NAV2: variants seen among roughly 807,000 people sequenced by gnomAD.
NAV2 encodes the protein neuron navigator 2.
A neutral mutation model predicts 223.2 loss-of-function variants in NAV2; 54 were observed. The ratio of observed to expected loss-of-function variants is 0.24; its 90% CI spans 0.19 to 0.30. The LOEUF (loss-of-function observed/expected upper bound fraction) is 0.30, where lower values mean the gene tolerates loss of function less well. NAV2 is among the 10% of genes least tolerant of loss of function. NAV2 has a pLI of 1.00. For synonymous variants in NAV2, 1,279 were observed against 1,239.3 expected, an observed-to-expected ratio of 1.03 and a Z score of -0.67; for missense variants, 2,806 against 3,147.5, an observed-to-expected ratio of 0.89 and a Z score of 2.60.
intron 1 of NAV2, among the ~76,000 whole-genome samples, chr11:19,691,952 C>A (rs184249768): frequency 6.6e-6 from 1 of 152,248 alleles, no homozygotes; most frequent in East Asian, 1.9e-4. Context: ...GCTGACAACA[C>A]TTTCCACATG....
At position 19,977,977 on chromosome 11, in the gene NAV2, T is replaced by G. The variant is rs375614919; in HGVS notation, c.2646-6148T>G. On this transcript the variant is annotated intron_variant, in intron 10 of 37. Transcript: ENST00000349880. ...CTGCCACCACGCCCAGCTCATTTTG[T>G]TTTTTTTTGTTTTTTTTGGTTTTTT... 4.8e-4 allele frequency among the ~76,000 whole-genome samples: 44 copies of G among 91,912 alleles called. 1 individual carries two copies. The highest frequency in any genetic ancestry group is 1.5e-3 in the East Asian group (6 of 4,104). The allele number at this position is 91,912 out of a possible 152,430, so 60.3% of individuals were successfully genotyped here.
At chr11:19,971,382 T>C (rs1411880231) in intron 10 of NAV2, among the ~76,000 whole-genome samples, 1 of 152,146 alleles carries the variant, frequency 6.6e-6, no homozygotes, top group African/African-American at 2.4e-5. Flanking sequence ...GCCTGTTTTC[T>C]TTTTAGGGGG....
chr11:20,025,070 G>C (rs2054915389), intron 11 of NAV2, among the ~76,000 whole-genome samples: 1 of 152,172 alleles, frequency 6.6e-6, no homozygotes, highest in Admixed American at 6.5e-5. Flanking sequence ...ATTTTAAAAA[G>C]CTTGGGTTTC....
At chr11:19,735,029 C>T (rs112331718) in intron 1 of NAV2, among the ~76,000 whole-genome samples, 48 of 152,286 alleles carry the variant, frequency 3.2e-4, no homozygotes, top group Non-Finnish European at 6.5e-4. Flanking sequence ...TTTCATTTCT[C>T]GACTCTTAGT....
intron 1 of NAV2, among the ~76,000 whole-genome samples, chr11:19,550,359 A>G (rs1178796190): frequency 1.3e-5 from 2 of 152,240 alleles, no homozygotes; most frequent in East Asian, 3.8e-4. Flanking sequence ...TTTATTAAGC[A>G]CATACTGTGT....
chr11:20,041,234 G>T (rs1429220733), intron 12 of NAV2, among the ~76,000 whole-genome samples: 1 of 152,166 alleles, frequency 6.6e-6, no homozygotes, highest in Non-Finnish European at 1.5e-5. Flanking sequence ...GTGGCATGGT[G>T]GTTAAAATGT....
At chr11:19,476,750 CCTCTTGGGACACTAGTGTT>C (rs1412238394) in intron 1 of NAV2, among the ~76,000 whole-genome samples, 7 of 152,310 alleles carry the variant, frequency 4.6e-5, no homozygotes, top group African/African-American at 1.4e-4. Flanking sequence ...TTTCATGGAG[CCTCTTGGGACACTAGTGTT>C]CTCTTGCTTA....
intron 1 of NAV2, among the ~76,000 whole-genome samples, chr11:19,612,190 G>A (rs2046665465): frequency 6.6e-6 from 1 of 152,230 alleles, no homozygotes; most frequent in African/African-American, 2.4e-5. Flanking sequence ...TCCCTAGGCT[G>A]CACACAGCAC....
At chr11:19,734,787 C>G (rs1174810937) in intron 1 of NAV2, among the ~76,000 whole-genome samples, 5 of 152,182 alleles carry the variant, frequency 3.3e-5, no homozygotes, top group African/African-American at 1.2e-4. Flanking sequence ...CTCCAAGTTT[C>G]TAGACCCAGA....
At chr11:19,376,875 A>T (rs1348051372) in intron 1 of NAV2, among the ~76,000 whole-genome samples, 2 of 152,240 alleles carry the variant, frequency 1.3e-5, no homozygotes, top group East Asian at 1.9e-4. Flanking sequence ...TTTAACAAGC[A>T]TGTATTTCCC....
Position 19,933,320 on chromosome 11 carries a change from G to T in NAV2, c.1076G>T (p.Arg359Leu). The T allele has an allele frequency of 6.2e-7, 1 of 1,613,036 alleles. No homozygotes were observed. The highest frequency in any genetic ancestry group is 8.5e-7 in the Non-Finnish European group (1 of 1,179,546). The change falls in exon 7 of 38, where the codon CGC becomes CTC. Residue 359 changes from arginine to leucine, a missense_variant. By Grantham distance (102) the Arg-to-Leu change is moderately radical. This residue lies in a region of NAV2 where 1,167 missense variants were observed against 1,180.5 expected (regional missense o/e 0.99). Transcript: ENST00000349880. The surrounding 1 kb of genome is among the most constrained non-coding windows in gnomAD (Gnocchi z 4.3). ...CCCGGTGCAGCCACCAAGCCTTGGC[G>T]CAGCAAATCCCTCAGCGTGAAGCAC... ...PQPGAATKPWRSKSLSVKHSA... is the reference protein window; with the variant it reads ...PQPGAATKPWLSKSLSVKHSA...
intron 1 of NAV2, among the ~76,000 whole-genome samples, chr11:19,672,876 G>A (rs546112208): frequency 1.3e-5 from 2 of 152,292 alleles, no homozygotes; most frequent in East Asian, 3.9e-4. Flanking sequence ...TCTTAAGGAG[G>A]CAGGCAGAGG....
At chr11:19,822,370 C>A (rs1417286164) in intron 1 of NAV2, among the ~76,000 whole-genome samples, 2 of 152,186 alleles carry the variant, frequency 1.3e-5, no homozygotes, top group Non-Finnish European at 2.9e-5. Flanking sequence ...AGTTACTATC[C>A]TACATAAGAC....
intron 22 of NAV2, among the ~76,000 whole-genome samples, chr11:20,076,316 C>T (rs186397407): frequency 8.2e-4 from 125 of 152,304 alleles, no homozygotes; most frequent in African/African-American, 2.7e-3. Flanking sequence ...AATTGCTCAT[C>T]CAACATATAT....
intron 1 of NAV2, among the ~76,000 whole-genome samples, chr11:19,367,778 T>G (rs1848337616): frequency 6.6e-6 from 1 of 152,212 alleles, no homozygotes; most frequent in Admixed American, 6.5e-5. Flanking sequence ...AGACAGCTCT[T>G]GCAGCTTTCT....
intron 12 of NAV2, among the ~76,000 whole-genome samples, chr11:20,042,870 C>A (rs1208253710): frequency 2.0e-5 from 3 of 152,128 alleles, no homozygotes; most frequent in Non-Finnish European, 4.4e-5. Flanking sequence ...GGCCTCAAAC[C>A]CCAGGAGGCC....
intron 1 of NAV2, among the ~76,000 whole-genome samples, chr11:19,685,968 C>T (rs2049012145): frequency 7.8e-6 from 1 of 127,420 alleles, no homozygotes; most frequent in Admixed American, 9.5e-5. Flanking sequence ...AGAGGCTTCT[C>T]ACATCTCATA....
chr11:19,481,315 G>A (rs2042273221), intron 1 of NAV2, among the ~76,000 whole-genome samples: 1 of 152,098 alleles, frequency 6.6e-6, no homozygotes, highest in South Asian at 2.1e-4. Flanking sequence ...CCAGCCCCAA[G>A]GACTCTGCAG....
intron 19 of NAV2, among the ~76,000 whole-genome samples, chr11:20,061,221 G>A (rs2058679001): frequency 6.6e-6 from 1 of 152,126 alleles, no homozygotes; most frequent in African/African-American, 2.4e-5. Context: ...ACAGAAGAAG[G>A]CAGCCAGAAT....
Sources: allele counts gnomAD v4.1 joint callset (sites outside exome capture counted in the v4.1 genomes callset), GRCh38; gene constraint gnomAD v4.1.1; regional missense constraint gnomAD v4.1.1; non-coding constraint Gnocchi (gnomAD v3.1); transcripts MANE v1.5; gene names NCBI Gene and HGNC (gene_info 2026-07-23, HGNC 2026-07-21).